The following MIPOL1 variants were observed in gnomAD, a reference collection of about 807,000 sequenced individuals.
The protein encoded by MIPOL1 is mirror-image polydactyly gene 1 protein.
Under a neutral mutation model 60.9 loss-of-function variants are expected in MIPOL1, and 57 were observed. The observed-to-expected ratio is 0.94, with a 90% CI of 0.76 to 1.17. MIPOL1 has a LOEUF of 1.17. Among genes scored for constraint, MIPOL1 ranks in the 50% most tolerant of loss-of-function variants. The pLI is 0.00. For synonymous variants in MIPOL1, 179 were observed against 168.8 expected (o/e 1.06, Z -0.47); for missense variants, 551 against 511.6 (o/e 1.08, Z -0.74).
intron 10 of MIPOL1, among the ~76,000 whole-genome samples, chr14:37,379,149 C>A (rs562664976): frequency 1.3e-5 from 2 of 152,088 alleles, no homozygotes; most frequent in East Asian, 3.9e-4. Flanking sequence ...GAGTCCAGAA[C>A]TCAACCTCAT....
chr14:37,302,822 T>C (rs1426263428), intron 7 of MIPOL1, among the ~76,000 whole-genome samples: 1 of 151,860 alleles, frequency 6.6e-6, no homozygotes, highest in Non-Finnish European at 1.5e-5. Flanking sequence ...CAATATCACA[T>C]AATCTTGATA....
At chr14:37,464,666 A>T (rs1477748778) in intron 11 of MIPOL1, among the ~76,000 whole-genome samples, 1 of 152,144 alleles carries the variant, frequency 6.6e-6, no homozygotes, top group Non-Finnish European at 1.5e-5. Flanking sequence ...GGCTGTACTA[A>T]AAGCCCAGAC....
At chr14:37,394,375 A>C (rs1451688147) in intron 10 of MIPOL1, among the ~76,000 whole-genome samples, 1 of 151,852 alleles carries the variant, frequency 6.6e-6, no homozygotes, top group Non-Finnish European at 1.5e-5. Context: ...TTACCTTCCC[A>C]CCAGCAGTGT....
At chr14:37,493,214 C>T (rs1376444174) in intron 11 of MIPOL1, among the ~76,000 whole-genome samples, 1 of 152,076 alleles carries the variant, frequency 6.6e-6, no homozygotes, top group East Asian at 1.9e-4. Flanking sequence ...TGGAAAAATA[C>T]TAATTGCAAA....
Position 37,353,428 on chromosome 14 carries a change from G to C in MIPOL1, c.829-16089G>C, listed in dbSNP as rs543185034. Among the ~76,000 whole-genome samples the C allele has an allele frequency of 5.3e-5, 8 of 150,490 alleles. No homozygotes were observed. The South Asian group carries it at 1.7e-3, about 32-fold the overall frequency. On this transcript the variant is annotated intron_variant, in intron 9 of 12. Transcript: ENST00000684589. ...GAATGATGCTGGCCTCATAAAATGA[G>C]TTAGGGAGGATTCCCTCTTTTTCTA...
chr14:37,527,555 C>T (rs2153634608), intron 12 of MIPOL1, among the ~76,000 whole-genome samples: 1 of 152,120 alleles, frequency 6.6e-6, no homozygotes, highest in Non-Finnish European at 1.5e-5. Flanking sequence ...AAATATCCTT[C>T]AGGGATAGAA....
At chr14:37,365,571 A>G (rs1392052276) in intron 9 of MIPOL1, among the ~76,000 whole-genome samples, 2 of 152,090 alleles carry the variant, frequency 1.3e-5, no homozygotes, top group African/African-American at 2.4e-5. Flanking sequence ...CTTAGTCATG[A>G]TGCATGATCT....
intron 10 of MIPOL1, among the ~76,000 whole-genome samples, chr14:37,411,320 A>G (rs1034589881): frequency 1.3e-5 from 2 of 152,064 alleles, no homozygotes; most frequent in African/African-American, 2.4e-5. Flanking sequence ...AACCACTATG[A>G]ATTTCTTTTT....
intron 9 of MIPOL1, among the ~76,000 whole-genome samples, chr14:37,320,720 G>A (rs959127682): frequency 2.0e-5 from 3 of 151,986 alleles, no homozygotes; most frequent in African/African-American, 7.2e-5. Context: ...TCTTCTAGAA[G>A]CTTGATTATT....
intron 12 of MIPOL1, among the ~76,000 whole-genome samples, chr14:37,542,972 A>G (rs2095535280): frequency 2.0e-5 from 3 of 152,164 alleles, no homozygotes; most frequent in Admixed American, 1.3e-4. Context: ...ACGAATGTAT[A>G]AGACTTAACT....
intron 11 of MIPOL1, among the ~76,000 whole-genome samples, chr14:37,478,688 G>T (rs2094815183): frequency 6.6e-6 from 1 of 151,952 alleles, no homozygotes; most frequent in African/African-American, 2.4e-5. Flanking sequence ...TACTTTTAAG[G>T]ACACATAGAC....
intron 11 of MIPOL1, among the ~76,000 whole-genome samples, chr14:37,482,686 C>T (rs1426632621): frequency 6.6e-6 from 1 of 152,210 alleles, no homozygotes; most frequent in African/African-American, 2.4e-5. Context: ...AACTAGTCAC[C>T]TCTCACCAGG....
chr14:37,422,972 G>A (rs1286794017), intron 11 of MIPOL1, 23 bp downstream of exon 11: 5 of 1,436,244 alleles, frequency 3.5e-6, no homozygotes, highest in African/African-American at 1.4e-5. Context: ...TTAGCCTGGG[G>A]TTAAGTAAAT....
At chr14:37,237,989 CAG>C (rs1971754309) in intron 1 of MIPOL1, among the ~76,000 whole-genome samples, 1 of 151,978 alleles carries the variant, frequency 6.6e-6, no homozygotes, top group African/African-American at 2.4e-5. Flanking sequence ...CTCTTAGACA[CAG>C]AGTCTCAGTC....
chr14:37,397,088 C>A (rs1468201036), intron 10 of MIPOL1: 1 of 152,080 alleles, frequency 6.6e-6, no homozygotes, highest in Non-Finnish European at 1.5e-5. Flanking sequence ...TTTCTGGTTC[C>A]TTCTCATTTG....
chr14:37,227,005 C>T (rs1969857240), intron 1 of MIPOL1, among the ~76,000 whole-genome samples: 1 of 152,128 alleles, frequency 6.6e-6, no homozygotes, highest in Admixed American at 6.6e-5. Flanking sequence ...GAAAATGTCT[C>T]TGAATATATG....
At chr14:37,345,720 C>A (rs181578043) in intron 9 of MIPOL1, among the ~76,000 whole-genome samples, 1 of 152,220 alleles carries the variant, frequency 6.6e-6, no homozygotes, top group African/African-American at 2.4e-5. Flanking sequence ...CTCATTGCTA[C>A]TGAATTTCCT....
In MIPOL1 at chr14:37,301,048, C is replaced by CATAT. The variant is rs370812184; in HGVS notation, c.624-6996_624-6993dup. ...GCAGACAGAGTAGGAAATACACACA[C>CATAT]ATATATATATATATAGTAGTATCTT... On this transcript the variant is annotated intron_variant, in intron 7 of 12. Coordinates refer to ENST00000684589, the MANE Select transcript of MIPOL1 (RefSeq NM_001388067.1). 3.7e-4 allele frequency among the ~76,000 whole-genome samples: 5 copies of CATAT among 13,518 alleles called. 2 individuals carry two copies. Among genetic ancestry groups the CATAT allele is most frequent in the African/African-American group, 4.7e-4 (5 of 10,578 alleles). The allele number at this position is 13,518 out of a possible 152,430, so 8.9% of individuals were successfully genotyped here.
intron 12 of MIPOL1, among the ~76,000 whole-genome samples, chr14:37,536,830 T>C (rs760510898): frequency 6.6e-6 from 1 of 152,170 alleles, no homozygotes; most frequent in Admixed American, 6.5e-5. Context: ...CCCAAAATCA[T>C]TTTAAGAACC....
Sources: allele counts gnomAD v4.1 joint callset (sites outside exome capture counted in the v4.1 genomes callset), GRCh38; gene constraint gnomAD v4.1.1; transcripts MANE v1.5; gene names NCBI Gene and HGNC (gene_info 2026-07-23, HGNC 2026-07-21).